The following CADM2 variants were observed in gnomAD, a reference collection of about 807,000 sequenced individuals.
CADM2 encodes the protein immunoglobulin superfamily member 4D.
In CADM2, 12 loss-of-function variants were observed where a neutral mutation model predicts 49.8. That is an observed-to-expected ratio of 0.24 (90% CI 0.15 to 0.39). The LOEUF (loss-of-function observed/expected upper bound fraction) is 0.39, where lower values mean the gene tolerates loss of function less well. CADM2 is among the 10% of genes least tolerant of loss of function. CADM2 has a pLI of 1.00. For missense variants in CADM2, 378 were observed against 492.3 expected, an observed-to-expected ratio of 0.77 and a Z score of 2.20; for synonymous variants, 214 against 175.4, an observed-to-expected ratio of 1.22 and a Z score of -1.74.
chr3:85,740,375 C>T (rs562755469), intron 2 of CADM2, among the ~76,000 whole-genome samples: 12 of 152,110 alleles, frequency 7.9e-5, no homozygotes, highest in Non-Finnish European at 1.8e-4. Flanking sequence ...CTCTTCCTGG[C>T]ACTGTGGAGG....
intron 1 of CADM2, among the ~76,000 whole-genome samples, chr3:85,155,264 A>G (rs1316928818): frequency 4.0e-5 from 6 of 148,584 alleles, no homozygotes; most frequent in Admixed American, 4.0e-4. Context: ...GCAAATGGAA[A>G]ACAAAAAAAG....
chr3:85,081,470 T>C (rs930561596), intron 1 of CADM2, among the ~76,000 whole-genome samples: 3 of 152,198 alleles, frequency 2.0e-5, no homozygotes, highest in African/African-American at 4.8e-5. Context: ...ATACCAAGTA[T>C]AAGATTCATA....
At chr3:85,535,513 A>T (rs1324331190) in intron 1 of CADM2, among the ~76,000 whole-genome samples, 1 of 143,920 alleles carries the variant, frequency 6.9e-6, no homozygotes, top group Non-Finnish European at 1.5e-5. Context: ...TACACTATAA[A>T]TAAAACATTG....
chr3:85,928,480 A>G (rs1381239382), intron 6 of CADM2, among the ~76,000 whole-genome samples: 3 of 152,140 alleles, frequency 2.0e-5, no homozygotes, highest in South Asian at 2.1e-4. Context: ...CCTTTTGTCC[A>G]TAAATCTAGC....
intron 8 of CADM2, among the ~76,000 whole-genome samples, chr3:85,997,182 TTCTCAA>T: frequency 6.6e-6 from 1 of 152,378 alleles, no homozygotes; most frequent in South Asian, 2.1e-4. Context: ...AGGGAATCAC[TTCTCAA>T]GTTTAATCTA....
At chr3:85,748,387 G>A (rs72914835) in intron 2 of CADM2, among the ~76,000 whole-genome samples, 6,029 of 151,936 alleles carry the variant, frequency 0.04, 381 homozygotes, top group African/African-American at 0.14. Flanking sequence ...CGAAGCAGGC[G>A]AAATAGCCTA....
intron 8 of CADM2, among the ~76,000 whole-genome samples, chr3:86,019,939 G>T (rs1161772630): frequency 6.6e-6 from 1 of 152,058 alleles, no homozygotes; most frequent in East Asian, 1.9e-4. Flanking sequence ...AACTAGAAAA[G>T]CAAGAGCAAA....
chr3:85,651,797 C>G (rs571237253), intron 1 of CADM2, among the ~76,000 whole-genome samples: 1 of 151,014 alleles, frequency 6.6e-6, no homozygotes, highest in African/African-American at 2.4e-5. Context: ...GTTAATCTAT[C>G]GACTAAACTT....
At chr3:85,566,936 T>C (rs191515908) in intron 1 of CADM2, among the ~76,000 whole-genome samples, 2 of 152,312 alleles carry the variant, frequency 1.3e-5, no homozygotes, top group Admixed American at 1.3e-4. Context: ...ACTGTGACTT[T>C]TTTAGTGACT....
intron 1 of CADM2, among the ~76,000 whole-genome samples, chr3:85,686,486 T>C (rs2066219906): frequency 6.6e-6 from 1 of 152,244 alleles, no homozygotes; most frequent in Non-Finnish European, 1.5e-5. Flanking sequence ...ATGAATATTA[T>C]TCTGTACCAA....
intron 1 of CADM2, among the ~76,000 whole-genome samples, chr3:85,660,027 A>C (rs1265951964): frequency 6.6e-6 from 1 of 152,144 alleles, no homozygotes. Flanking sequence ...CACAAATTTA[A>C]ATTGTCAACT....
intron 1 of CADM2, among the ~76,000 whole-genome samples, chr3:85,370,993 A>AT (rs71108283): frequency 0.27 from 40,355 of 151,938 alleles, 5,565 homozygotes; most frequent in South Asian, 0.34. Context: ...CAGAATAAGA[A>AT]TTTTTTTAAA....
intron 1 of CADM2, among the ~76,000 whole-genome samples, chr3:85,313,140 A>G (rs1004106241): frequency 6.6e-6 from 1 of 152,192 alleles, no homozygotes; most frequent in South Asian, 2.1e-4. Context: ...CTGTGTGCTA[A>G]TGAGGAGAAC....
intron 1 of CADM2, among the ~76,000 whole-genome samples, chr3:85,638,828 A>G (rs1030704062): frequency 6.6e-6 from 1 of 152,096 alleles, no homozygotes; most frequent in African/African-American, 2.4e-5. Context: ...ATGCATGTAA[A>G]AAGTATATAA....
At chr3:84,979,051 A>C (rs2032006000) in intron 1 of CADM2, among the ~76,000 whole-genome samples, 1 of 152,022 alleles carries the variant, frequency 6.6e-6, no homozygotes, top group South Asian at 2.1e-4. Flanking sequence ...AGTTACTCAG[A>C]GGGTGTTAGG....
chr3:85,896,909 C>T (rs1025691538), intron 5 of CADM2, among the ~76,000 whole-genome samples: 1 of 152,124 alleles, frequency 6.6e-6, no homozygotes, highest in Admixed American at 6.5e-5. Context: ...TTACAAAATG[C>T]AGATTCCTGG....
At chr3:85,120,452 T>G (rs1203887353) in intron 1 of CADM2, among the ~76,000 whole-genome samples, 1 of 151,994 alleles carries the variant, frequency 6.6e-6, no homozygotes, top group Non-Finnish European at 1.5e-5. Flanking sequence ...ATAGACTGGA[T>G]AAAGAAAATG....
intron 1 of CADM2, among the ~76,000 whole-genome samples, chr3:85,321,234 G>A (rs1262326819): frequency 1.4e-5 from 2 of 139,718 alleles, no homozygotes; most frequent in Admixed American, 7.4e-5. Flanking sequence ...ATGCAGTGGT[G>A]GGATCTCGGT....
At chr3:84,973,593 A>T (rs1272270861) in intron 1 of CADM2, among the ~76,000 whole-genome samples, 1 of 152,174 alleles carries the variant, frequency 6.6e-6, no homozygotes, top group African/African-American at 2.4e-5. Context: ...AGGTCAGCAG[A>T]GGGAATGTAG....
Sources: gnomAD v4.1 joint callset for allele counts (sites outside exome capture counted in the v4.1 genomes callset) on GRCh38, gnomAD v4.1.1 for gene constraint, MANE v1.5 for transcripts, NCBI Gene and HGNC (gene_info 2026-07-23, HGNC 2026-07-21) for gene names.